GMDS: variants seen among roughly 807,000 people sequenced by gnomAD.
The protein encoded by GMDS is GDP-mannose 4,6 dehydratase.
Under a neutral mutation model 49.9 loss-of-function variants are expected in GMDS, and 20 were observed. That is an observed-to-expected ratio of 0.40 (90% CI 0.28 to 0.58). The LOEUF is 0.58. Ranked by LOEUF, GMDS falls within the 20% of genes least tolerant of loss-of-function variation. GMDS has a pLI of 0.42. For synonymous variants in GMDS, 177 were observed against 178.6 expected (o/e 0.99, Z 0.07); for missense variants, 362 against 481.4 (o/e 0.75, Z 2.32).
intron 1 of GMDS, among the ~76,000 whole-genome samples, chr6:2,239,755 G>C (rs931584795): frequency 2.7e-5 from 4 of 150,872 alleles, no homozygotes; most frequent in African/African-American, 9.8e-5. Flanking sequence ...GCACGATCTC[G>C]GCTCACTGCA....
intron 1 of GMDS, among the ~76,000 whole-genome samples, chr6:2,144,179 A>T (rs1479079103): frequency 6.6e-6 from 1 of 152,216 alleles, no homozygotes; most frequent in Non-Finnish European, 1.5e-5. Context: ...TGAGGAGGTC[A>T]GGTCAGGTCA....
intron 7 of GMDS, among the ~76,000 whole-genome samples, chr6:1,910,565 T>C (rs1760999965): frequency 6.6e-6 from 1 of 152,018 alleles, no homozygotes; most frequent in Admixed American, 6.6e-5. Flanking sequence ...TCCCTTTGAA[T>C]AGAAGGAAAG....
chr6:1,631,926 T>C (rs1162951292), intron 9 of GMDS, among the ~76,000 whole-genome samples: 1 of 152,206 alleles, frequency 6.6e-6, no homozygotes, highest in Non-Finnish European at 1.5e-5. Flanking sequence ...GGAGAGGAGA[T>C]GAGCATGATG....
At chr6:1,874,733 T>G (rs564002765) in intron 7 of GMDS, among the ~76,000 whole-genome samples, 1 of 152,310 alleles carries the variant, frequency 6.6e-6, no homozygotes, top group African/African-American at 2.4e-5. Flanking sequence ...ATATATGCGC[T>G]GAAGACTCAT....
At chr6:2,095,789 T>C (rs1321136190) in intron 4 of GMDS, among the ~76,000 whole-genome samples, 7 of 152,182 alleles carry the variant, frequency 4.6e-5, no homozygotes, top group Admixed American at 4.6e-4. Context: ...ACCCTTTCAA[T>C]GATATATCTA....
intron 9 of GMDS, among the ~76,000 whole-genome samples, chr6:1,695,141 C>T (rs1213742180): frequency 6.6e-6 from 1 of 152,112 alleles, no homozygotes; most frequent in Non-Finnish European, 1.5e-5. Context: ...TTGACAAATG[C>T]AGCCCATGAC....
chr6:1,814,427 G>C (rs1770570222), intron 7 of GMDS, among the ~76,000 whole-genome samples: 1 of 151,778 alleles, frequency 6.6e-6, no homozygotes, highest in Non-Finnish European at 1.5e-5. Context: ...CAAGATAAGG[G>C]CACCCAGAAA....
chr6:1,695,930 T>C (rs1476295661), intron 9 of GMDS, among the ~76,000 whole-genome samples: 2 of 150,986 alleles, frequency 1.3e-5, no homozygotes, highest in Non-Finnish European at 3.0e-5. Context: ...TTTCTTTTTT[T>C]TTTTTTTTAA....
intron 1 of GMDS, among the ~76,000 whole-genome samples, chr6:2,243,843 CTTTTTTTTTTTTTTTTTTTTT>C (rs68171156): frequency 6.9e-5 from 4 of 58,114 alleles, no homozygotes; most frequent in African/African-American, 1.8e-4. Flanking sequence ...ACTTCTCCTT[CTTTTTTTTTTTTTTTTTTTTT>C]TTTTTTTTTT....
At chr6:2,159,557 C>T (rs1325310221) in intron 1 of GMDS, among the ~76,000 whole-genome samples, 5 of 141,804 alleles carry the variant, frequency 3.5e-5, no homozygotes, top group East Asian at 2.0e-4. Flanking sequence ...CTTGCTCTGC[C>T]GGCCAGGCTG....
At chr6:2,226,501 A>T (rs560180868) in intron 1 of GMDS, among the ~76,000 whole-genome samples, 2 of 152,226 alleles carry the variant, frequency 1.3e-5, no homozygotes, top group Non-Finnish European at 2.9e-5. Flanking sequence ...ATCATTAACA[A>T]AAGTTAATCG....
At chr6:1,739,776 G>A (rs1277449004) in intron 8 of GMDS, among the ~76,000 whole-genome samples, 1 of 152,196 alleles carries the variant, frequency 6.6e-6, no homozygotes, top group South Asian at 2.1e-4. Flanking sequence ...ACATCCCAGG[G>A]CACTGGAGCC....
At chr6:2,131,805 T>G (rs1775753757) in intron 1 of GMDS, among the ~76,000 whole-genome samples, 1 of 151,856 alleles carries the variant, frequency 6.6e-6, no homozygotes, top group Non-Finnish European at 1.5e-5. Context: ...GTTTTCCTTT[T>G]TTTTTTTTTT....
intron 7 of GMDS, among the ~76,000 whole-genome samples, chr6:1,765,895 C>G (rs975166006): frequency 6.6e-6 from 1 of 152,126 alleles, no homozygotes; most frequent in Non-Finnish European, 1.5e-5. Flanking sequence ...AAGGCCCTTG[C>G]GAGACTCAGC....
chr6:2,188,167 C>T (rs948896656), intron 1 of GMDS, among the ~76,000 whole-genome samples: 5 of 152,226 alleles, frequency 3.3e-5, no homozygotes, highest in Admixed American at 2.6e-4. Context: ...GAAGCACACA[C>T]AGAGGCTCCT....
At chr6:2,202,247 GCAC>G (rs2127577072) in intron 1 of GMDS, among the ~76,000 whole-genome samples, 1 of 145,750 alleles carries the variant, frequency 6.9e-6, no homozygotes, top group African/African-American at 2.5e-5. Flanking sequence ...TGAAGAGAGA[GCAC>G]CACATGGACA....
intron 1 of GMDS, among the ~76,000 whole-genome samples, chr6:2,186,751 T>C (rs1437857233): frequency 6.6e-6 from 1 of 152,178 alleles, no homozygotes; most frequent in African/African-American, 2.4e-5. Flanking sequence ...CTAATCAAGG[T>C]GAAGAACTGA....
intron 7 of GMDS, among the ~76,000 whole-genome samples, chr6:1,845,173 T>C (rs1368721726): frequency 2.0e-5 from 3 of 152,226 alleles, no homozygotes; most frequent in Admixed American, 6.5e-5. Flanking sequence ...TTGAGGCAAT[T>C]TGTCAATGTC....
intron 4 of GMDS, among the ~76,000 whole-genome samples, chr6:1,984,257 AAT>A (rs1437482403): frequency 6.6e-6 from 1 of 152,152 alleles, no homozygotes; most frequent in Non-Finnish European, 1.5e-5. Flanking sequence ...CATCGGGAAG[AAT>A]AGCTAATGAA....
Sources: allele counts gnomAD v4.1 joint callset (sites outside exome capture counted in the v4.1 genomes callset), GRCh38; gene constraint gnomAD v4.1.1; transcripts MANE v1.5; gene names NCBI Gene and HGNC (gene_info 2026-07-23, HGNC 2026-07-21).